Variants in SERPINI2 observed in about 807,000 individuals in gnomAD.
SERPINI2 encodes serpin family I member 2, also known as serpin I2.
Under a neutral mutation model 47.3 loss-of-function variants are expected in SERPINI2, and 48 were observed. That is an observed-to-expected ratio of 1.02 (90% confidence interval 0.81 to 1.29). The LOEUF is 1.29. SERPINI2 is among the 50% of genes most tolerant of loss of function. The pLI is 0.00. For synonymous variants in SERPINI2, 135 were observed against 149.3 expected, an observed-to-expected ratio of 0.90 and a Z score of 0.70; for missense variants, 448 against 456.9, an observed-to-expected ratio of 0.98 and a Z score of 0.18.
upstream of SERPINI2, among the ~76,000 whole-genome samples, chr3:167,476,200 T>A (rs1231891058): frequency 6.6e-6 from 1 of 151,862 alleles, no homozygotes; most frequent in Non-Finnish European, 1.5e-5. Context: ...TGAATCTGAA[T>A]GTTAATTTCA....
exon 9 of SERPINI2, chr3:167,442,142 C>A (rs758090066): frequency 1.9e-6 from 3 of 1,600,348 alleles, no homozygotes; most frequent in Non-Finnish European, 2.6e-6. Context: ...CTTTTATCTC[C>A]TGGGTGTCAG....
At chr3:167,465,513 A>C in exon 4 of SERPINI2, 1 of 1,613,702 alleles carries the variant, frequency 6.2e-7, no homozygotes, top group Non-Finnish European at 8.5e-7. Context: ...TCATCATTGG[A>C]ATTTTGACAG....
At chr3:167,447,062 C>T (rs1749499865) in intron 7 of SERPINI2, 1 of 151,874 alleles carries the variant, frequency 6.6e-6, no homozygotes, top group African/African-American at 2.4e-5. Context: ...TTATGTTGCT[C>T]CATTACAGTA....
At chr3:167,473,368 T>C (rs1434835322) in intron 1 of SERPINI2, among the ~76,000 whole-genome samples, 1 of 151,614 alleles carries the variant, frequency 6.6e-6, no homozygotes, top group East Asian at 1.9e-4. Flanking sequence ...AAGTTTTACA[T>C]GCAAAATAAA....
exon 4 of SERPINI2, chr3:167,465,624 C>G: frequency 6.2e-7 from 1 of 1,612,446 alleles, no homozygotes; most frequent in East Asian, 2.2e-5. Flanking sequence ...CCAGGACAAG[C>G]CGAGTCAGAG....
chr3:167,456,106 T>C (rs1749782071), intron 5 of SERPINI2, among the ~76,000 whole-genome samples: 1 of 151,934 alleles, frequency 6.6e-6, no homozygotes, highest in South Asian at 2.1e-4. Flanking sequence ...TAGATGGTTA[T>C]GTGAGTACAC....
At position 167,447,171 on chromosome 3, in the gene SERPINI2, A is replaced by G. The variant is rs1290336015; in HGVS notation, c.1052-690T>C. Among the ~76,000 whole-genome samples the G allele has an allele frequency of 2.0e-5, 3 of 152,156 alleles. No homozygotes were observed. In the East Asian group the frequency reaches 5.8e-4, roughly 29 times the overall value. Reference sequence around the variant, plus strand: ...AATTCAGATACTGTATTTCCCAATAATTGAATTATTTTGTACTGTTATTTT... The same window carrying G: ...AATTCAGATACTGTATTTCCCAATAGTTGAATTATTTTGTACTGTTATTTT... On this transcript the variant is annotated intron_variant, in intron 7 of 8. Coordinates refer to ENST00000264677, the Ensembl canonical transcript of SERPINI2.
intron 1 of SERPINI2, 147 bp from the exon 2 acceptor site, chr3:167,471,991 T>C: frequency 1.7e-6 from 1 of 582,626 alleles, no homozygotes; most frequent in Non-Finnish European, 3.0e-6. Flanking sequence ...TTTCTAAGTA[T>C]CATCTATTCA....
At chr3:167,474,083 AGCGATCAAG>A in exon 1 of SERPINI2, 1 of 1,020,636 alleles carries the variant, frequency 9.8e-7, no homozygotes, top group East Asian at 8.5e-5. Context: ...TAAACACCTG[AGCGATCAAG>A]GCCAACTCCA....
At chr3:167,461,895 C>A (rs1331767810) in intron 5 of SERPINI2, among the ~76,000 whole-genome samples, 1 of 111,098 alleles carries the variant, frequency 9.0e-6, no homozygotes, top group Non-Finnish European at 1.8e-5. Context: ...GCTGGGATTA[C>A]AGGCATAAGC....
At chr3:167,469,432 A>G (rs1290711411) in intron 2 of SERPINI2, 3 of 152,186 alleles carry the variant, frequency 2.0e-5, no homozygotes, top group African/African-American at 4.8e-5. Context: ...CAAATAAATT[A>G]CCTAACCTCA....
At chr3:167,451,128 TG>T (rs1425779277) in intron 6 of SERPINI2, among the ~76,000 whole-genome samples, 2 of 152,230 alleles carry the variant, frequency 1.3e-5, no homozygotes, top group African/African-American at 4.8e-5. Flanking sequence ...TATTTAACTA[TG>T]TGCCAAATGT....
In SERPINI2 at chr3:167,455,603, AAAAG is replaced by A. The variant is rs565653832; in HGVS notation, c.867-2574_867-2571del. ...AAGAAATACGAGTCTCAAAAAAAAAAAAAGAAAAGAAAAGAAAAGAAAAGAAAAA... is the reference window on the plus strand; with the variant it reads ...AAGAAATACGAGTCTCAAAAAAAAAAAAAAGAAAAGAAAAGAAAAGAAAAA... On this transcript the variant is annotated intron_variant, in intron 5 of 8. Transcript: ENST00000264677. 3.2e-3 allele frequency among the ~76,000 whole-genome samples: 482 copies of A among 148,356 alleles called. 8 individuals carry two copies. Among genetic ancestry groups the A allele is most frequent in the African/African-American group, 4.2e-3 (165 of 39,734 alleles).
At chr3:167,463,703 G>T (rs554833042) in intron 5 of SERPINI2, among the ~76,000 whole-genome samples, 63 of 152,262 alleles carry the variant, frequency 4.1e-4, no homozygotes, top group African/African-American at 1.5e-3. Flanking sequence ...GATTAATAAA[G>T]ATTTACATAA....
At chr3:167,472,347 C>A (rs1242899334) in intron 1 of SERPINI2, among the ~76,000 whole-genome samples, 1 of 151,930 alleles carries the variant, frequency 6.6e-6, no homozygotes, top group Non-Finnish European at 1.5e-5. Flanking sequence ...AGTAATCTGG[C>A]TAACTTTTTA....
At chr3:167,441,993 C>A in exon 9 of SERPINI2, 1 of 682,068 alleles carries the variant, frequency 1.5e-6, no homozygotes. Context: ...TTACTACAGG[C>A]ACAGTTTAAA....
intron 1 of SERPINI2, among the ~76,000 whole-genome samples, chr3:167,472,500 C>T (rs987793120): frequency 3.3e-5 from 5 of 151,862 alleles, no homozygotes; most frequent in African/African-American, 1.2e-4. Flanking sequence ...CAATAAAGTA[C>T]TATGCTCACT....
intron 6 of SERPINI2, among the ~76,000 whole-genome samples, chr3:167,450,810 A>G (rs1306767653): frequency 6.6e-6 from 1 of 152,130 alleles, no homozygotes; most frequent in Non-Finnish European, 1.5e-5. Context: ...AATTTCACCC[A>G]GTTTAGCAAT....
chr3:167,467,362 A>T (rs1470245790), intron 2 of SERPINI2, 77 bp from the exon 3 acceptor site: 1 of 976,594 alleles, frequency 1.0e-6, no homozygotes, highest in Non-Finnish European at 1.5e-6. Flanking sequence ...CTATCTAAGT[A>T]CTCTGATTCA....
Sources: gnomAD v4.1 joint callset for allele counts (sites outside exome capture counted in the v4.1 genomes callset) on GRCh38, gnomAD v4.1.1 for gene constraint, MANE v1.5 for transcripts, NCBI Gene and HGNC (gene_info 2026-07-23, HGNC 2026-07-21) for gene names.